The following GRM7 variants were observed in gnomAD, a reference collection of about 807,000 sequenced individuals.
The protein encoded by GRM7 is metabotropic glutamate receptor 7.
GRM7 carries 35 observed loss-of-function variants against 84.5 expected under a neutral mutation model. The observed-to-expected ratio is 0.41, with a 90% CI of 0.32 to 0.55. The LOEUF is 0.55. GRM7 is among the 20% of genes least tolerant of loss of function. The probability of loss-of-function intolerance (pLI) is 0.19; values close to 1 mark genes in which losing one functional copy is unlikely to be tolerated. For missense variants in GRM7, 1,003 were observed against 1,194.6 expected (o/e 0.84, Z 2.36); for synonymous variants, 487 against 455.1 (o/e 1.07, Z -0.89).
At chr3:7,464,993 C>G (rs932019713) in intron 7 of GRM7, among the ~76,000 whole-genome samples, 2 of 152,052 alleles carry the variant, frequency 1.3e-5, no homozygotes, top group Non-Finnish European at 2.9e-5. Flanking sequence ...GAGACTCTGT[C>G]TCAGAAAAGA....
chr3:7,382,781 CTTAGTTATA>C (rs1694640795), intron 4 of GRM7, among the ~76,000 whole-genome samples: 1 of 152,184 alleles, frequency 6.6e-6, no homozygotes, highest in African/African-American at 2.4e-5. Context: ...AAACTGCCCT[CTTAGTTATA>C]TTAAGGAAGC....
At chr3:7,175,190 C>T (rs1695105678) in intron 2 of GRM7, among the ~76,000 whole-genome samples, 1 of 152,202 alleles carries the variant, frequency 6.6e-6, no homozygotes, top group African/African-American at 2.4e-5. Flanking sequence ...GAAATGATAA[C>T]TTTCCTACAT....
At chr3:7,517,834 T>C (rs1207547736) in intron 7 of GRM7, among the ~76,000 whole-genome samples, 1 of 152,208 alleles carries the variant, frequency 6.6e-6, no homozygotes, top group African/African-American at 2.4e-5. Flanking sequence ...GATTTTAACT[T>C]AAGTAGTTTT....
chr3:7,578,658 G>A lies in GRM7; in HGVS notation c.1752G>A (p.Leu584=). The change falls in exon 8 of 10, where the codon CTG becomes CTA. Residue 584 remains leucine (L), a synonymous_variant. Transcript: ENST00000357716. Reference sequence around the variant, plus strand: ...GCCAGGATATTCCCATCATCAAACTGGAGTGGCACTCCCCCTGGGCTGTGA... The same window carrying A: ...GCCAGGATATTCCCATCATCAAACTAGAGTGGCACTCCCCCTGGGCTGTGA... ...TGCQDIPIIK[L]EWHSPWAVIP... The A allele has an allele frequency of 1.2e-6, 2 of 1,613,956 alleles. No homozygotes were observed. Among genetic ancestry groups the A allele is most frequent in the Non-Finnish European group, 1.7e-6 (2 of 1,179,898 alleles).
intron 7 of GRM7, among the ~76,000 whole-genome samples, chr3:7,554,504 A>G (rs1250995241): frequency 6.6e-6 from 1 of 152,206 alleles, no homozygotes; most frequent in Non-Finnish European, 1.5e-5. Flanking sequence ...GTACAAGTGT[A>G]ATTGTAATCA....
intron 2 of GRM7, among the ~76,000 whole-genome samples, chr3:7,211,966 A>G (rs909085276): frequency 6.0e-5 from 9 of 151,170 alleles, no homozygotes; most frequent in South Asian, 2.1e-4. Flanking sequence ...TTTTTCTCCA[A>G]TTAACTGATG....
At chr3:7,671,244 T>G (rs868133755) in intron 8 of GRM7, among the ~76,000 whole-genome samples, 26 of 152,264 alleles carry the variant, frequency 1.7e-4, no homozygotes, top group African/African-American at 5.8e-4. Context: ...CCTGGAAGAC[T>G]TGGCCACCAA....
intron 7 of GRM7, among the ~76,000 whole-genome samples, chr3:7,527,390 T>C (rs1297149595): frequency 2.6e-5 from 4 of 152,108 alleles, no homozygotes; most frequent in Admixed American, 2.6e-4. Context: ...CCTAAAACTT[T>C]ACTGAAGTTG....
intron 1 of GRM7, among the ~76,000 whole-genome samples, chr3:7,044,296 G>T (rs1289468740): frequency 6.6e-6 from 1 of 152,098 alleles, no homozygotes; most frequent in Non-Finnish European, 1.5e-5. Context: ...GATACCTTAA[G>T]TCTATACCAA....
chr3:7,035,337 A>G (rs1464306307), intron 1 of GRM7, among the ~76,000 whole-genome samples: 2 of 152,174 alleles, frequency 1.3e-5, no homozygotes, highest in Non-Finnish European at 2.9e-5. Context: ...GTCAGTCAGT[A>G]CTTTAGAATT....
chr3:7,300,057 T>G (rs1362301774), intron 3 of GRM7, among the ~76,000 whole-genome samples: 2 of 152,014 alleles, frequency 1.3e-5, no homozygotes, highest in Non-Finnish European at 2.9e-5. Context: ...AATATGTCCC[T>G]TCTTAAAAAT....
intron 1 of GRM7, among the ~76,000 whole-genome samples, chr3:6,981,066 G>A (rs573719608): frequency 6.6e-6 from 1 of 152,268 alleles, no homozygotes; most frequent in African/African-American, 2.4e-5. Context: ...CAAGGGTTCT[G>A]CCAAGAATTT....
At chr3:7,646,575 C>T (rs1698651918) in intron 8 of GRM7, among the ~76,000 whole-genome samples, 1 of 152,120 alleles carries the variant, frequency 6.6e-6, no homozygotes, top group South Asian at 2.1e-4. Context: ...CTTGTTAGTG[C>T]CATGCAGTAC....
At chr3:6,900,017 C>A (rs781720696) in intron 1 of GRM7, among the ~76,000 whole-genome samples, 16 of 151,934 alleles carry the variant, frequency 1.1e-4, no homozygotes, top group Non-Finnish European at 1.5e-5. Flanking sequence ...ATAATTGGAG[C>A]AATAATGGAT....
At chr3:7,566,495 G>A (rs1321116727) in intron 7 of GRM7, among the ~76,000 whole-genome samples, 1 of 152,014 alleles carries the variant, frequency 6.6e-6, no homozygotes, top group Non-Finnish European at 1.5e-5. Flanking sequence ...TTGATAATTG[G>A]AATAAAAATA....
chr3:6,955,543 A>G (rs527977358), intron 1 of GRM7, among the ~76,000 whole-genome samples: 60 of 151,932 alleles, frequency 3.9e-4, no homozygotes, highest in African/African-American at 1.4e-3. Flanking sequence ...TCAAAAAAAA[A>G]AAGAAGAATA....
Position 7,053,554 on chromosome 3 carries a change from T to C in GRM7, c.520-92898T>C, listed in dbSNP as rs550648983. ...AATTCACTTTGTCAATTTTTATGTA[T>C]GTTGTACAGTGAGAGCTGAAGTTAA... On this transcript the variant is annotated intron_variant, in intron 1 of 9. Coordinates refer to ENST00000357716, the MANE Select transcript of GRM7 (RefSeq NM_000844.4). Among the ~76,000 whole-genome samples, 63 of 151,828 alleles carry C rather than the reference T, an allele frequency of 4.1e-4. 1 individual carries two copies. The South Asian group carries it at 5.0e-3, about 12-fold the overall frequency.
At chr3:7,439,672 C>T (rs904729673) in intron 5 of GRM7, among the ~76,000 whole-genome samples, 3 of 152,122 alleles carry the variant, frequency 2.0e-5, no homozygotes, top group African/African-American at 7.2e-5. Flanking sequence ...TTAGAGAATG[C>T]AAGTGGCATT....
At chr3:7,010,288 T>C (rs972743384) in intron 1 of GRM7, among the ~76,000 whole-genome samples, 1 of 152,016 alleles carries the variant, frequency 6.6e-6, no homozygotes, top group African/African-American at 2.4e-5. Context: ...CTGTGTCTAC[T>C]AAAAATACAA....
Sources: gnomAD v4.1 joint callset for allele counts (sites outside exome capture counted in the v4.1 genomes callset) on GRCh38, gnomAD v4.1.1 for gene constraint, MANE v1.5 for transcripts, NCBI Gene and HGNC (gene_info 2026-07-23, HGNC 2026-07-21) for gene names.